COLQ: variants seen among roughly 807,000 people sequenced by gnomAD.
COLQ encodes collagen like tail subunit of asymmetric acetylcholinesterase.
COLQ carries 48 observed loss-of-function variants against 69.0 expected under a neutral mutation model. That is an observed-to-expected ratio of 0.70 (90% CI 0.55 to 0.88). COLQ has a LOEUF of 0.88. Among genes scored for constraint, COLQ ranks in the 40% least tolerant of loss-of-function variants. The probability of loss-of-function intolerance (pLI) is 0.00; values close to 1 mark genes in which losing one functional copy is unlikely to be tolerated. For synonymous variants in COLQ, 217 were observed against 211.2 expected, an observed-to-expected ratio of 1.03 and a Z score of -0.24; for missense variants, 618 against 594.6, an observed-to-expected ratio of 1.04 and a Z score of -0.41.
intron 10 of COLQ, among the ~76,000 whole-genome samples, chr3:15,471,774 T>C (rs749299903): frequency 1.3e-5 from 2 of 152,202 alleles, no homozygotes; most frequent in Non-Finnish European, 2.9e-5. Flanking sequence ...AATGTCTTGT[T>C]TCACCAAGAA....
intron 1 of COLQ, among the ~76,000 whole-genome samples, chr3:15,512,852 C>T (rs1302317448): frequency 1.6e-4 from 24 of 152,180 alleles, no homozygotes; most frequent in Admixed American, 1.6e-3. Flanking sequence ...GAGGCTGAGG[C>T]ACCAACAGGG....
chr3:15,457,484 G>A lies in COLQ; in HGVS notation c.954+702C>T, dbSNP rs888789073. ...ATGAGTTGATCATTATTAAAGTTGG[G>A]TGAAGGGTACACAGGGGTTCATTAC... On this transcript the variant is annotated intron_variant, in intron 13 of 16. Transcript: ENST00000383788. 2.6e-5 allele frequency among the ~76,000 whole-genome samples: 4 copies of A among 152,130 alleles called. No individual in the cohort carries two copies. In the East Asian group the frequency reaches 7.7e-4, roughly 29 times the overall value.
In COLQ at chr3:15,482,420, G is replaced by A. The variant is rs1281721827; in HGVS notation, c.322-3038C>T. Among the ~76,000 whole-genome samples the A allele has an allele frequency of 2.0e-5, 3 of 152,302 alleles. 1 individual carries two copies. The East Asian group carries it at 5.8e-4, about 29-fold the overall frequency. On this transcript the variant is annotated intron_variant, in intron 3 of 16. Coordinates refer to ENST00000383788, the MANE Select transcript of COLQ (RefSeq NM_005677.4). The stretch of plus-strand genomic sequence containing the variant: ...GTTTATTGAGAGTTTTTAGCATGAA[G>A]GGCTGTTGAATTTTGTCAAAGGCCT...
chr3:15,451,744 C>T lies in COLQ; in HGVS notation c.1299-31G>A, dbSNP rs111284326. On this transcript the variant is annotated intron_variant, in intron 16 of 16. Coordinates refer to ENST00000383788, the MANE Select transcript of COLQ (RefSeq NM_005677.4). ...GGAGGCAAAGACACGTTCTAAAAGG[C>T]CACCTCTTATATGCTGGTGACTTCC... 2,939 of 1,589,434 alleles carry T rather than the reference C, an allele frequency of 1.8e-3. 46 individuals are homozygous for T. The African/African-American group carries it at 0.033, about 18-fold the overall frequency.
intron 5 of COLQ, chr3:15,478,740 G>T: frequency 1.6e-6 from 1 of 611,260 alleles, no homozygotes; most frequent in Non-Finnish European, 2.9e-6. Flanking sequence ...GGCCAGGCTT[G>T]GCAGCCCCCG....
intron 11 of COLQ, chr3:15,467,967 G>GT: frequency 2.2e-6 from 1 of 456,764 alleles, no homozygotes; most frequent in Non-Finnish European, 4.4e-6. Flanking sequence ...TATGGAGGGA[G>GT]TTCTTAAGCC....
intron 3 of COLQ, among the ~76,000 whole-genome samples, chr3:15,480,273 C>G (rs1275369603): frequency 1.3e-5 from 2 of 152,144 alleles, no homozygotes; most frequent in African/African-American, 4.8e-5. Flanking sequence ...TCTTGGTGTG[C>G]TGCACCCACT....
intron 16 of COLQ, among the ~76,000 whole-genome samples, 153 bp from the exon 17 acceptor site, chr3:15,451,866 T>C (rs908514096): frequency 6.6e-6 from 1 of 152,188 alleles, no homozygotes. Flanking sequence ...AGTTGAATCA[T>C]GTCTCTGGGA....
At position 15,451,612 on chromosome 3, in the gene COLQ, G is replaced by A; in HGVS notation, c.*32C>T. 1 of 1,605,648 alleles carries A rather than the reference G, an allele frequency of 6.2e-7. No individual in the cohort carries two copies. Among genetic ancestry groups the A allele is most frequent in the Admixed American group, 1.7e-5 (1 of 60,030 alleles). ...CAGTGGAGAAGCTGCTGCCAGTTCT[G>A]TGGGGCGCAGCCCACCTTCTCCTCA... is the stretch of plus-strand genomic sequence containing the variant. On this transcript the variant is annotated 3_prime_UTR_variant, in exon 17 of 17. Coordinates refer to ENST00000383788, the MANE Select transcript of COLQ (RefSeq NM_005677.4).
At position 15,475,408 on chromosome 3, in the gene COLQ, T is replaced by C. The variant is rs1278193068; in HGVS notation, c.528+17A>G. 1.9e-6 allele frequency: 3 copies of C among 1,585,922 alleles called. No homozygotes were observed. The highest frequency in any genetic ancestry group is 1.8e-5 in the Admixed American group (1 of 56,730). On this transcript the variant is annotated intron_variant, in intron 7 of 16. Transcript: ENST00000383788. The stretch of plus-strand genomic sequence containing the variant: ...CTGACAGAGATCTGGGAACGTCCAT[T>C]TGGACCCCACACTGACCTTGGAGCC...
chr3:15,498,583 G>A (rs973645958), intron 1 of COLQ: 18 of 1,551,796 alleles, frequency 1.2e-5, no homozygotes, highest in African/African-American at 5.5e-5. Flanking sequence ...TGATGAGCCC[G>A]TCATTGTGAG....
intron 5 of COLQ, 82 bp from the exon 6 acceptor site, chr3:15,477,279 G>T: frequency 7.5e-7 from 1 of 1,338,516 alleles, no homozygotes; most frequent in Non-Finnish European, 1.0e-6. Context: ...CTGGGGCCCA[G>T]AGGAGACAGT....
At chr3:15,470,288 T>C (rs1195998035) in intron 11 of COLQ, among the ~76,000 whole-genome samples, 1 of 152,218 alleles carries the variant, frequency 6.6e-6, no homozygotes, top group Non-Finnish European at 1.5e-5. Context: ...ATGAACCAAA[T>C]ATCCACTCTT....
At chr3:15,482,335 T>G (rs1032490514) in intron 3 of COLQ, among the ~76,000 whole-genome samples, 7 of 152,244 alleles carry the variant, frequency 4.6e-5, no homozygotes, top group Non-Finnish European at 1.0e-4. Context: ...AGTATGATAT[T>G]GGCTACGGGT....
intron 3 of COLQ, among the ~76,000 whole-genome samples, chr3:15,485,117 A>C (rs1238019288): frequency 6.6e-6 from 1 of 152,208 alleles, no homozygotes; most frequent in African/African-American, 2.4e-5. Flanking sequence ...TCCTTCTAAC[A>C]GTCAGGACCC....
At chr3:15,459,769 G>A (rs879278968) in intron 12 of COLQ, among the ~76,000 whole-genome samples, 73 of 151,118 alleles carry the variant, frequency 4.8e-4, no homozygotes, top group South Asian at 1.7e-3. Context: ...GTGAGCTGCC[G>A]CGCCTGGTCA....
intron 1 of COLQ, among the ~76,000 whole-genome samples, chr3:15,502,104 C>A (rs1400107880): frequency 7.0e-6 from 1 of 143,646 alleles, no homozygotes; most frequent in Non-Finnish European, 1.5e-5. Flanking sequence ...CATCTGCTAA[C>A]TTGCACTGAT....
intron 1 of COLQ, among the ~76,000 whole-genome samples, chr3:15,517,026 T>C (rs530811455): frequency 1.3e-5 from 2 of 152,166 alleles, no homozygotes; most frequent in East Asian, 1.9e-4. Context: ...CCTGTACTCC[T>C]AGCTACTCAA....
chr3:15,514,935 C>T (rs115671641), intron 1 of COLQ, among the ~76,000 whole-genome samples: 2,811 of 152,204 alleles, frequency 0.018, 83 homozygotes, highest in African/African-American at 0.063. Context: ...ATCAGAAATA[C>T]TTTTTGTTTT....
Sources: gnomAD v4.1 joint callset for allele counts (sites outside exome capture counted in the v4.1 genomes callset) on GRCh38, gnomAD v4.1.1 for gene constraint, MANE v1.5 for transcripts, NCBI Gene and HGNC (gene_info 2026-07-23, HGNC 2026-07-21) for gene names.